The following ADAM29 variants were observed in gnomAD, a reference collection of about 807,000 sequenced individuals.
The protein encoded by ADAM29 is ADAM metallopeptidase domain 29.
For missense variants in ADAM29, 969 were observed against 1,001.8 expected (o/e 0.97, Z 0.44); for synonymous variants, 367 against 342.3 (o/e 1.07, Z -0.80).
In ADAM29 at chr4:174,932,919, C is replaced by T. The variant is rs532232767; in HGVS notation, c.-262+1745C>T. Among the ~76,000 whole-genome samples, 3 of 152,184 alleles carry T rather than the reference C, an allele frequency of 2.0e-5. No individual in the cohort carries two copies. In the East Asian group the frequency reaches 5.8e-4, roughly 29 times the overall value. On this transcript the variant is annotated intron_variant, in intron 3 of 4. Coordinates refer to ENST00000359240, the MANE Select transcript of ADAM29 (RefSeq NM_014269.4). The stretch of plus-strand genomic sequence containing the variant: ...GTTCATACCTGATCATCTAGGAAAC[C>T]TAAAAATCTCCCCAAATCTCCTAGG...
chr4:174,960,909 G>T (rs1407278331), intron 4 of ADAM29, among the ~76,000 whole-genome samples: 1 of 152,110 alleles, frequency 6.6e-6, no homozygotes, highest in Non-Finnish European at 1.5e-5. Flanking sequence ...ATCAAAAAGA[G>T]CCCAGTCTAC....
intron 4 of ADAM29, among the ~76,000 whole-genome samples, chr4:174,954,286 T>G (rs1289293356): frequency 6.6e-6 from 1 of 152,234 alleles, no homozygotes; most frequent in African/African-American, 2.4e-5. Flanking sequence ...AAATCCCATA[T>G]CTTTGTCATT....
chr4:174,973,269 C>G (rs897954919), intron 4 of ADAM29, among the ~76,000 whole-genome samples: 3 of 152,158 alleles, frequency 2.0e-5, no homozygotes, highest in African/African-American at 7.2e-5. Flanking sequence ...TTTTGGAGTA[C>G]TGGACACAAA....
intron 2 of ADAM29, among the ~76,000 whole-genome samples, chr4:174,926,253 G>A (rs753335945): frequency 1.4e-4 from 22 of 152,006 alleles, no homozygotes; most frequent in Non-Finnish European, 2.6e-4. Flanking sequence ...AGAAAAAACC[G>A]TATCGATAAC....
At chr4:174,956,152 C>T (rs1745485882) in intron 4 of ADAM29, among the ~76,000 whole-genome samples, 1 of 151,998 alleles carries the variant, frequency 6.6e-6, no homozygotes, top group South Asian at 2.1e-4. Context: ...TACTGAGACG[C>T]TTTCTTCCAT....
chr4:174,975,253 G>GT (rs1296856856), intron 4 of ADAM29, 93 bp from the exon 5 acceptor site: 7 of 322,406 alleles, frequency 2.2e-5, no homozygotes, highest in Admixed American at 4.7e-5. Flanking sequence ...TTTATCTCAT[G>GT]TTTTTTTCTC....
intron 4 of ADAM29, among the ~76,000 whole-genome samples, chr4:174,947,198 CCTG>C (rs563969749): frequency 2.6e-5 from 4 of 151,886 alleles, no homozygotes; most frequent in Non-Finnish European, 4.4e-5. Context: ...AAAGCCAACT[CCTG>C]CTGGATTTGT....
chr4:174,928,112 G>T (rs922122748), intron 2 of ADAM29, among the ~76,000 whole-genome samples: 1 of 151,950 alleles, frequency 6.6e-6, no homozygotes, highest in Non-Finnish European at 1.5e-5. Flanking sequence ...TTTCCCTAAG[G>T]GTATACAAAA....
At position 174,977,951 on chromosome 4, in the gene ADAM29, T is replaced by G; in HGVS notation, c.2426T>G (p.Met809Arg). ...CCCTCCCAGAGGCAACCTCAGTTGA[T>G]GCCTTCCCAGAGTCAACCTCCTGTG... ...VTPSQRQPQLMPSQSQPPVTP... is the reference protein window; with the variant it reads ...VTPSQRQPQLRPSQSQPPVTP... Residue 809 changes from methionine (M) to arginine (R), a missense_variant, in exon 5 of 5, where the codon ATG becomes AGG. Transcript: ENST00000359240. 6.7e-7 allele frequency: 1 copy of G among 1,493,108 alleles called. No individual in the cohort carries two copies. Among genetic ancestry groups the G allele is most frequent in the East Asian group, 2.6e-5 (1 of 38,542 alleles). 92.5% of individuals were successfully genotyped at this position (1,493,108 alleles called of 1,614,324 possible). A position where few individuals can be genotyped will look rare whatever the true frequency, so the allele number is the denominator to read the frequency against.
At chr4:174,963,997 A>T (rs551698107) in intron 4 of ADAM29, among the ~76,000 whole-genome samples, 28 of 151,758 alleles carry the variant, frequency 1.8e-4, no homozygotes, top group African/African-American at 6.8e-4. Flanking sequence ...ACATAGTTTG[A>T]TCTTATTTAT....
chr4:174,978,148 A>G lies in ADAM29; in HGVS notation c.*160A>G. 8.5e-7 allele frequency: 1 copy of G among 1,175,178 alleles called. No homozygotes were observed. The highest frequency in any genetic ancestry group is 1.2e-6 in the Non-Finnish European group (1 of 827,536). The allele number at this position is 1,175,178 out of a possible 1,614,324, so 72.8% of individuals were successfully genotyped here. A position where few individuals can be genotyped will look rare whatever the true frequency, so the allele number is the denominator to read the frequency against. ...AGTACCAATTCCAAAAACTGTATCC[A>G]GAAAAGGTACATTAAAAAAATAATT... On this transcript the variant is annotated 3_prime_UTR_variant, in exon 5 of 5. Transcript: ENST00000359240.
At chr4:174,954,111 A>G (rs1450206130) in intron 4 of ADAM29, among the ~76,000 whole-genome samples, 1 of 152,152 alleles carries the variant, frequency 6.6e-6, no homozygotes, top group East Asian at 1.9e-4. Flanking sequence ...AAAAATCCTC[A>G]CAATGGATTT....
chr4:174,975,664 A>G lies in ADAM29; in HGVS notation c.139A>G (p.Thr47Ala), dbSNP rs1330354936. 1 of 1,613,176 alleles carries G rather than the reference A, an allele frequency of 6.2e-7. No homozygotes were observed. Among genetic ancestry groups the G allele is most frequent in the Non-Finnish European group, 8.5e-7 (1 of 1,179,596 alleles). ...VRITGTTRGM[T>A]PPGWLSYILP... ...GATAACTGGCACCACCAGAGGCATG[A>G]CACCTCCAGGCTGGCTCTCCTATAT... The change falls in exon 5 of 5, where the codon ACA becomes GCA. Residue 47 changes from threonine to alanine, a missense_variant. Physicochemically the swap from Thr to Ala is moderately conservative, Grantham distance 58. Coordinates refer to ENST00000359240, the MANE Select transcript of ADAM29 (RefSeq NM_014269.4).
chr4:174,955,157 C>T (rs1745427654), intron 4 of ADAM29, among the ~76,000 whole-genome samples: 1 of 151,938 alleles, frequency 6.6e-6, no homozygotes, highest in Admixed American at 6.6e-5. Context: ...TGGCAAGCAA[C>T]TGCTGTTATA....
chr4:174,976,112 A>G lies in ADAM29; in HGVS notation c.587A>G (p.His196Arg). ...KQSSYVGWWI[H>R]FRIVEIVVVI... ...AGTTCTTATGTGGGCTGGTGGATCC[A>G]TTTTAGGATTGTTGAAATTGTAGTC... Residue 196 changes from histidine to arginine, a missense_variant, in exon 5 of 5, where the codon CAT (histidine) becomes CGT (arginine). His to Arg is a conservative substitution (Grantham distance 29). Transcript: ENST00000359240. The G allele has an allele frequency of 4.3e-6, 7 of 1,613,018 alleles. No homozygotes were observed. The highest frequency in any genetic ancestry group is 5.9e-6 in the Non-Finnish European group (7 of 1,179,878).
intron 4 of ADAM29, among the ~76,000 whole-genome samples, chr4:174,946,886 G>A (rs1047173108): frequency 6.6e-6 from 1 of 152,028 alleles, no homozygotes; most frequent in Admixed American, 6.6e-5. Flanking sequence ...GCTTTTTCTG[G>A]TTGGTAGGCT....
chr4:174,924,961 C>T (rs1477065491), intron 2 of ADAM29, among the ~76,000 whole-genome samples: 5 of 152,270 alleles, frequency 3.3e-5, no homozygotes, highest in East Asian at 1.9e-4. Flanking sequence ...CAAGGAATGT[C>T]GATAGCAGTT....
chr4:174,932,477 C>A (rs948862846), intron 3 of ADAM29, among the ~76,000 whole-genome samples: 1 of 152,086 alleles, frequency 6.6e-6, no homozygotes, highest in African/African-American at 2.4e-5. Context: ...GCAAGGAAGG[C>A]CTCACAAGCT....
Position 174,977,278 on chromosome 4 carries a change from G to A in ADAM29, c.1753G>A (p.Asp585Asn). ...RFNDIMCWST[D>N]YHLGMKGPDI... ...CAATGACATAATGTGCTGGAGTACT[G>A]ATTACCATTTGGGGATGAAGGGACC... Residue 585 changes from aspartate (D) to asparagine (N), a missense_variant, in exon 5 of 5, where the codon GAT becomes AAT. Coordinates refer to ENST00000359240, the MANE Select transcript of ADAM29 (RefSeq NM_014269.4). 1 of 1,613,928 alleles carries A rather than the reference G, an allele frequency of 6.2e-7. No individual in the cohort carries two copies. The highest frequency in any genetic ancestry group is 8.5e-7 in the Non-Finnish European group (1 of 1,179,990).
Sources: gnomAD v4.1 joint callset for allele counts (sites outside exome capture counted in the v4.1 genomes callset) on GRCh38, gnomAD v4.1.1 for gene constraint, MANE v1.5 for transcripts, NCBI Gene and HGNC (gene_info 2026-07-23, HGNC 2026-07-21) for gene names.